MYOZ3: variants seen among roughly 807,000 people sequenced by gnomAD.
MYOZ3 encodes the protein myozenin-3.
In MYOZ3, 19 loss-of-function variants were observed where a neutral mutation model predicts 26.5. That is an observed-to-expected ratio of 0.72 (90% CI 0.50 to 1.05). MYOZ3 has a LOEUF of 1.05. Among genes scored for constraint, MYOZ3 ranks in the 50% least tolerant of loss-of-function variants. The pLI, the probability that MYOZ3 is intolerant of heterozygous loss-of-function variation, is 0.00. For missense variants in MYOZ3, 322 were observed against 337.1 expected (o/e 0.96, Z 0.35); for synonymous variants, 135 against 138.8 (o/e 0.97, Z 0.19).
intron 2 of MYOZ3, among the ~76,000 whole-genome samples, chr5:150,668,183 C>T (rs1469342591): frequency 6.6e-6 from 1 of 152,192 alleles, no homozygotes; most frequent in African/African-American, 2.4e-5. Context: ...TTATCGCTTC[C>T]TCATGGTGTG....
intron 1 of MYOZ3, among the ~76,000 whole-genome samples, chr5:150,662,180 C>G (rs1027490960): frequency 3.9e-5 from 6 of 152,190 alleles, no homozygotes; most frequent in African/African-American, 1.4e-4. Context: ...AGTCGAGGAG[C>G]TCAAGGGCTC....
At chr5:150,662,768 G>A (rs1037002087) in intron 1 of MYOZ3, among the ~76,000 whole-genome samples, 173 bp from the exon 2 acceptor site, 1 of 152,220 alleles carries the variant, frequency 6.6e-6, no homozygotes, top group African/African-American at 2.4e-5. Context: ...CTGGGCCTCA[G>A]TCTCCTCTGC....
intron 2 of MYOZ3, among the ~76,000 whole-genome samples, chr5:150,666,763 T>TG (rs2151445146): frequency 6.6e-6 from 1 of 151,340 alleles, no homozygotes; most frequent in African/African-American, 2.4e-5. Context: ...TGGATTTCTT[T>TG]TTTTCTTTTT....
intron 6 of MYOZ3, 67 bp from the exon 7 acceptor site, chr5:150,676,640 C>T (rs1256542418): frequency 6.6e-7 from 1 of 1,521,844 alleles, no homozygotes; most frequent in Non-Finnish European, 8.9e-7. Context: ...ACATGGTGAT[C>T]CACATGTCAG....
rs1221082464 is a variant in MYOZ3, at chr5:150,679,205, A to G, written c.*2330A>G. On this transcript the variant is annotated 3_prime_UTR_variant, in exon 7 of 7. Coordinates refer to ENST00000517768, the MANE Select transcript of MYOZ3 (RefSeq NM_001122853.3). ...TCAGGTTGGTTCTGCTGTGCTCTGG[A>G]AAGTAACTGCAGCCACCAGGTATGA... 1.3e-5 allele frequency: 2 copies of G among 152,300 alleles called. No individual in the cohort carries two copies. Among genetic ancestry groups the G allele is most frequent in the African/African-American group, 4.8e-5 (2 of 41,434 alleles). The allele number at this position is 152,300 out of a possible 1,614,324, so 9.4% of individuals were successfully genotyped here.
intron 6 of MYOZ3, among the ~76,000 whole-genome samples, chr5:150,676,475 C>T (rs993307497): frequency 4.2e-5 from 6 of 141,218 alleles, no homozygotes; most frequent in East Asian, 2.2e-4. Flanking sequence ...ATCTGGGAGG[C>T]GGAGGTTGCA....
Position 150,671,663 on chromosome 5 carries a change from G to A in MYOZ3, c.270+13G>A. ...GGAGTCGGGGACGGTGAGCGTGGAGGGGAGCTCCCTGGAAGGGAAGCTGGG... is the reference window on the plus strand; with the variant it reads ...GGAGTCGGGGACGGTGAGCGTGGAGAGGAGCTCCCTGGAAGGGAAGCTGGG... On this transcript the variant is annotated intron_variant, in intron 4 of 6. Coordinates refer to ENST00000517768, the MANE Select transcript of MYOZ3 (RefSeq NM_001122853.3). The A allele has an allele frequency of 6.2e-7, 1 of 1,613,870 alleles. No individual in the cohort carries two copies. The highest frequency in any genetic ancestry group is 8.5e-7 in the Non-Finnish European group (1 of 1,179,998).
intron 6 of MYOZ3, among the ~76,000 whole-genome samples, chr5:150,675,511 TAC>T (rs1758990375): frequency 1.3e-5 from 2 of 152,130 alleles, no homozygotes; most frequent in African/African-American, 4.8e-5. Context: ...TAGCTGGAAT[TAC>T]AGTCACCCAC....
At chr5:150,672,234 C>G (rs1354032559) in intron 5 of MYOZ3, 106 bp from the exon 6 acceptor site, 1 of 1,504,194 alleles carries the variant, frequency 6.6e-7, no homozygotes, top group African/African-American at 1.4e-5. Flanking sequence ...CCCCTAACTC[C>G]GATCTTCCCT....
chr5:150,662,683 A>T (rs983955242), intron 1 of MYOZ3, among the ~76,000 whole-genome samples: 1 of 151,752 alleles, frequency 6.6e-6, no homozygotes, highest in African/African-American at 2.4e-5. Flanking sequence ...CCTAGAAACC[A>T]CCCCTGAAGA....
At chr5:150,672,524 G>C (rs1330086832) in intron 6 of MYOZ3, 22 bp downstream of exon 6, 1 of 1,492,274 alleles carries the variant, frequency 6.7e-7, no homozygotes, top group Non-Finnish European at 8.7e-7. Flanking sequence ...CGGGCAGCCC[G>C]GGGGACAGAC....
chr5:150,670,617 G>T lies in MYOZ3; in HGVS notation c.195G>T (p.Glu65Asp), dbSNP rs150231993. 122 of 1,609,916 alleles carry T rather than the reference G, an allele frequency of 7.6e-5. No homozygotes were observed. The African/African-American group carries it at 1.6e-3, about 21-fold the overall frequency. ...RQRRVQKFTF[E>D]LAASQRAMLA... Reference sequence around the variant, plus strand: ...GCCGTGTGCAGAAGTTCACTTTCGAGTTAGCAGCCAGCCAGCGGGCGGTGA... The same window carrying T: ...GCCGTGTGCAGAAGTTCACTTTCGATTTAGCAGCCAGCCAGCGGGCGGTGA... The change falls in exon 3 of 7, where the codon GAG (glutamate) becomes GAT (aspartate). Residue 65 changes from glutamate (E) to aspartate (D), a missense_variant. Transcript: ENST00000517768.
chr5:150,670,461 C>T (rs753048360), intron 2 of MYOZ3, 23 bp from the exon 3 acceptor site: 4 of 1,586,728 alleles, frequency 2.5e-6, no homozygotes, highest in Non-Finnish European at 3.4e-6. Context: ...GTGGTGAGAG[C>T]CCGCTCTGGC....
intron 6 of MYOZ3, chr5:150,672,953 G>C (rs1369174555): frequency 6.3e-6 from 1 of 157,606 alleles, no homozygotes; most frequent in Non-Finnish European, 1.4e-5. Context: ...CCTTCTCTGA[G>C]GGGTCCCCAG....
At chr5:150,661,086 T>C (rs933986418), upstream of MYOZ3, 3 of 152,598 alleles carry the variant, frequency 2.0e-5, no homozygotes, top group South Asian at 2.1e-4. Context: ...CCAGGTGACT[T>C]TGGTGTGTGC....
rs1758915906 is a variant in MYOZ3 at position 150,671,781 on chromosome 5, G to A, written c.297G>A (p.Gly99=). Residue 99 remains glycine (G), a synonymous_variant, in exon 5 of 7, where the codon GGG becomes GGA. Transcript: ENST00000517768. The stretch of plus-strand genomic sequence containing the variant: ...TTGCCAATGCCAATGGCCCTGAGGG[G>A]CCGAACTACCGCTCGGAGCTCCACA... The part of the protein sequence containing the change: ...GTVANANGPE[G]PNYRSELHIF... 3 of 1,613,180 alleles carry A rather than the reference G, an allele frequency of 1.9e-6. No homozygotes were observed. Among genetic ancestry groups the A allele is most frequent in the South Asian group, 1.1e-5 (1 of 91,086 alleles).
intron 6 of MYOZ3, 108 bp downstream of exon 6, chr5:150,672,610 G>A: frequency 7.6e-7 from 1 of 1,319,596 alleles, no homozygotes; most frequent in Non-Finnish European, 1.0e-6. Context: ...GCCAGGCTCT[G>A]TCCCCAGCGC....
At chr5:150,663,080 T>G in intron 2 of MYOZ3, 78 bp downstream of exon 2, 1 of 1,272,794 alleles carries the variant, frequency 7.9e-7, no homozygotes. Context: ...TCTGGCCTGC[T>G]GGCCCCAGGC....
chr5:150,668,736 C>G (rs182638210), intron 2 of MYOZ3, among the ~76,000 whole-genome samples: 3 of 152,198 alleles, frequency 2.0e-5, no homozygotes, highest in African/African-American at 7.2e-5. Context: ...GTTGGCCAAA[C>G]GTGAAAGTTT....
Sources: allele counts gnomAD v4.1 joint callset (sites outside exome capture counted in the v4.1 genomes callset), GRCh38; gene constraint gnomAD v4.1.1; transcripts MANE v1.5; gene names NCBI Gene and HGNC (gene_info 2026-07-23, HGNC 2026-07-21).